The following ARHGAP6 variants were observed in gnomAD, a reference collection of about 807,000 sequenced individuals.
ARHGAP6 encodes the protein Rho GTPase activating protein 6, also known as rho GTPase-activating protein 6.
A neutral mutation model predicts 55.7 loss-of-function variants in ARHGAP6; 16 were observed. The observed-to-expected ratio is 0.29, with a 90% CI of 0.19 to 0.44. The LOEUF is 0.44. Ranked by LOEUF, ARHGAP6 falls within the 20% of genes least tolerant of loss-of-function variation. ARHGAP6 has a pLI of 1.00. For synonymous variants in ARHGAP6, 382 were observed against 360.9 expected, an observed-to-expected ratio of 1.06 and a Z score of -0.66; for missense variants, 698 against 808.9, an observed-to-expected ratio of 0.86 and a Z score of 1.66.
Position 11,170,326 on chromosome X carries a change from TA to T in ARHGAP6, c.1630-643del, listed in dbSNP as rs1322309497. 3.6e-5 allele frequency among the ~76,000 whole-genome samples: 4 copies of T among 111,471 alleles called. No individual in the cohort carries two copies. In the South Asian group the frequency reaches 1.5e-3, roughly 42 times the overall value. On this transcript the variant is annotated intron_variant, in intron 8 of 12. Transcript: ENST00000337414. ...AGGCTGAAAAGCAAAGGATCTGGGC[TA>T]GGGGGTAATTTTACAATGGAGAAAG...
Position 11,183,138 on chromosome X carries a change from G to A in ARHGAP6, c.1274-1020C>T, listed in dbSNP as rs182706266. Among the ~76,000 whole-genome samples the A allele has an allele frequency of 3.8e-4, 42 of 111,004 alleles. 1 individual carries two copies. Among genetic ancestry groups the A allele is most frequent in the African/African-American group, 1.3e-3 (41 of 30,506 alleles). ...AAATTGGGTGTAGTGTATACTGCTCGGGTGATGGGTGCACCAAAATCTCAC... is the reference window on the plus strand; with the variant it reads ...AAATTGGGTGTAGTGTATACTGCTCAGGTGATGGGTGCACCAAAATCTCAC... On this transcript the variant is annotated intron_variant, in intron 5 of 12. Transcript: ENST00000337414.
At chrX:11,231,087 A>G (rs2047125599) in intron 2 of ARHGAP6, among the ~76,000 whole-genome samples, 1 of 111,927 alleles carries the variant, frequency 8.9e-6, no homozygotes, top group Non-Finnish European at 1.9e-5. Flanking sequence ...TGTGACCATG[A>G]AATTTTAGGT....
At chrX:11,503,962 C>T (rs2147860078) in intron 1 of ARHGAP6, among the ~76,000 whole-genome samples, 1 of 111,404 alleles carries the variant, frequency 9.0e-6, no homozygotes, top group East Asian at 2.8e-4. Context: ...TACAATGTCC[C>T]ACATATAATG....
intron 2 of ARHGAP6, among the ~76,000 whole-genome samples, chrX:11,250,945 T>C (rs1160600213): frequency 8.9e-6 from 1 of 112,469 alleles, no homozygotes; most frequent in Non-Finnish European, 1.9e-5. Context: ...TGAATTGAAC[T>C]AGAAAAGTCC....
At chrX:11,185,919 T>C (rs965373458) in intron 5 of ARHGAP6, among the ~76,000 whole-genome samples, 1 of 111,698 alleles carries the variant, frequency 9.0e-6, no homozygotes, top group African/African-American at 3.3e-5. Context: ...GGCTCTGGTC[T>C]GTTTGAAAGA....
At chrX:11,288,491 T>C (rs915487344) in intron 1 of ARHGAP6, among the ~76,000 whole-genome samples, 4 of 112,268 alleles carry the variant, frequency 3.6e-5, no homozygotes, top group Non-Finnish European at 7.5e-5. Context: ...ATGTGTCCTT[T>C]TAAAAATTAA....
At chrX:11,609,936 G>A (rs2052082406) in intron 1 of ARHGAP6, among the ~76,000 whole-genome samples, 1 of 111,656 alleles carries the variant, frequency 9.0e-6, no homozygotes, top group African/African-American at 3.3e-5. Context: ...CTCCAGGCGT[G>A]TGCAGGTGAG....
intron 1 of ARHGAP6, among the ~76,000 whole-genome samples, chrX:11,608,769 G>T (rs112864254): frequency 8.9e-6 from 1 of 111,745 alleles, no homozygotes; most frequent in Non-Finnish European, 1.9e-5. Flanking sequence ...TTCCGCTTTT[G>T]CATCTTCCTC....
chrX:11,559,929 AAATAATAAT>A (rs755756728), intron 1 of ARHGAP6, among the ~76,000 whole-genome samples: 44 of 96,148 alleles, frequency 4.6e-4, no homozygotes, highest in Admixed American at 3.8e-3. Context: ...CTCGGTCTCA[AAATAATAAT>A]AATAATAATA....
intron 1 of ARHGAP6, chrX:11,427,414 G>A: frequency 2.5e-6 from 2 of 802,049 alleles, no homozygotes; most frequent in South Asian, 5.7e-5. Context: ...ACTTCGGGGT[G>A]ACGTACCCGG....
chrX:11,161,934 T>A (rs1211840948), intron 9 of ARHGAP6, among the ~76,000 whole-genome samples: 5 of 111,894 alleles, frequency 4.5e-5, no homozygotes, highest in Non-Finnish European at 1.9e-5. Flanking sequence ...AGTCAGACTC[T>A]GTGTAGCCTC....
At chrX:11,451,963 A>G (rs960799351) in intron 1 of ARHGAP6, among the ~76,000 whole-genome samples, 3 of 112,117 alleles carry the variant, frequency 2.7e-5, no homozygotes, top group Non-Finnish European at 5.6e-5. Flanking sequence ...ACAATTACGT[A>G]TCAACCCCTG....
chrX:11,178,496 A>G (rs1236434093), intron 7 of ARHGAP6, among the ~76,000 whole-genome samples: 3 of 110,567 alleles, frequency 2.7e-5, no homozygotes, highest in Non-Finnish European at 3.8e-5. Context: ...AAAAAAAAAA[A>G]AGGTAACTCA....
chrX:11,501,765 A>G (rs1156486076), intron 1 of ARHGAP6, among the ~76,000 whole-genome samples: 2 of 111,867 alleles, frequency 1.8e-5, no homozygotes, highest in Non-Finnish European at 3.8e-5. Flanking sequence ...GAGAAAATAT[A>G]TTTACTATTC....
chrX:11,182,535 C>T lies in ARHGAP6; in HGVS notation c.1274-417G>A, dbSNP rs1203608759. ...CTTCTTAAAGAAAATCTAGAAAATG[C>T]GGAAAAATGTAAAAATAATATACTT... On this transcript the variant is annotated intron_variant, in intron 5 of 12. Transcript: ENST00000337414. Among the ~76,000 whole-genome samples the T allele has an allele frequency of 6.3e-5, 7 of 110,578 alleles. No individual in the cohort carries two copies. The East Asian group carries it at 8.4e-4, about 13-fold the overall frequency.
chrX:11,448,203 G>T (rs1217023950), intron 1 of ARHGAP6, among the ~76,000 whole-genome samples: 1 of 112,211 alleles, frequency 8.9e-6, no homozygotes, highest in Non-Finnish European at 1.9e-5. Context: ...TTTGAGCACA[G>T]CCTCCAATCC....
At chrX:11,308,293 A>T (rs2048258789) in intron 1 of ARHGAP6, among the ~76,000 whole-genome samples, 1 of 112,376 alleles carries the variant, frequency 8.9e-6, no homozygotes, top group East Asian at 2.8e-4. Context: ...GTAACAATCT[A>T]AATTAATATT....
At chrX:11,570,439 T>C (rs990096436) in intron 1 of ARHGAP6, among the ~76,000 whole-genome samples, 1 of 111,395 alleles carries the variant, frequency 9.0e-6, no homozygotes, top group African/African-American at 3.3e-5. Context: ...GAGATAACAA[T>C]AATAATAATA....
At chrX:11,476,757 T>C (rs1030215895) in intron 1 of ARHGAP6, among the ~76,000 whole-genome samples, 4 of 111,374 alleles carry the variant, frequency 3.6e-5, no homozygotes, top group Non-Finnish European at 5.7e-5. Flanking sequence ...AAAATGATGG[T>C]ATAACAATGT....
Sources: gnomAD v4.1 joint callset for allele counts (sites outside exome capture counted in the v4.1 genomes callset) on GRCh38, gnomAD v4.1.1 for gene constraint, MANE v1.5 for transcripts, NCBI Gene and HGNC (gene_info 2026-07-23, HGNC 2026-07-21) for gene names.